The following FAM107B variants were observed in gnomAD, a reference collection of about 807,000 sequenced individuals.
FAM107B encodes the protein protein FAM107B.
FAM107B carries 21 observed loss-of-function variants against 31.5 expected under a neutral mutation model. The ratio of observed to expected loss-of-function variants is 0.67; its 90% CI spans 0.47 to 0.96. The LOEUF (loss-of-function observed/expected upper bound fraction) is 0.96. FAM107B is among the 40% of genes least tolerant of loss of function. The pLI is 0.00. For missense variants in FAM107B, 452 were observed against 377.1 expected (o/e 1.20, Z -1.64); for synonymous variants, 157 against 141.5 (o/e 1.11, Z -0.78).
chr10:14,683,693 T>C (rs993074950), intron 1 of FAM107B, among the ~76,000 whole-genome samples: 1 of 152,220 alleles, frequency 6.6e-6, no homozygotes, highest in Non-Finnish European at 1.5e-5. Flanking sequence ...TGAGTACCAA[T>C]AGAATCATGA....
In FAM107B at chr10:14,521,261, G is replaced by A; in HGVS notation, c.850C>T (p.Pro284Ser). The change falls in exon 5 of 5, where the codon CCC becomes TCC. Residue 284 changes from proline (P) to serine (S), a missense_variant. Pro to Ser is a moderately conservative substitution (Grantham distance 74). Transcript: ENST00000181796. ...QKLQEEQENAPEFVKVKGNLR... is the reference protein window; with the variant it reads ...QKLQEEQENASEFVKVKGNLR... ...TTGCCTTTCACCTTCACAAACTCGGGGGCATTTTCTTGCTCTTCTTGCAAT... is the reference window on the plus strand; with the variant it reads ...TTGCCTTTCACCTTCACAAACTCGGAGGCATTTTCTTGCTCTTCTTGCAAT... The A allele has an allele frequency of 1.2e-6, 2 of 1,614,074 alleles. No individual in the cohort carries two copies. Among genetic ancestry groups the A allele is most frequent in the Non-Finnish European group, 1.7e-6 (2 of 1,180,008 alleles).
intron 2 of FAM107B, among the ~76,000 whole-genome samples, chr10:14,607,139 T>G (rs1852614592): frequency 6.6e-6 from 1 of 152,130 alleles, no homozygotes; most frequent in African/African-American, 2.4e-5. Context: ...GTGAGAGAAA[T>G]AGAAACAAAG....
intron 1 of FAM107B, among the ~76,000 whole-genome samples, chr10:14,697,759 T>C (rs1414225675): frequency 6.6e-6 from 1 of 152,196 alleles, no homozygotes. Flanking sequence ...TTCTACAATG[T>C]TGTACCTTTA....
intron 2 of FAM107B, among the ~76,000 whole-genome samples, chr10:14,626,497 A>AAC (rs1564605442): frequency 1.0e-5 from 1 of 100,470 alleles, no homozygotes; most frequent in African/African-American, 3.6e-5. Context: ...TTTGAGGCGG[A>AAC]TCTTTTTTTT....
intron 1 of FAM107B, among the ~76,000 whole-genome samples, chr10:14,698,450 T>C (rs1246142287): frequency 6.6e-6 from 1 of 152,252 alleles, no homozygotes; most frequent in Non-Finnish European, 1.5e-5. Context: ...TTTGCAAACT[T>C]TTAAACTTAA....
intron 2 of FAM107B, among the ~76,000 whole-genome samples, chr10:14,659,403 T>C (rs933047675): frequency 9.2e-5 from 14 of 151,938 alleles, no homozygotes; most frequent in Non-Finnish European, 1.9e-4. Context: ...ATTGCCCCAC[T>C]TCACTCCAGC....
chr10:14,542,777 T>G (rs530799843), intron 2 of FAM107B: 1 of 152,230 alleles, frequency 6.6e-6, no homozygotes, highest in African/African-American at 2.4e-5. Flanking sequence ...GCTTTTAAGA[T>G]GGCTCAAAAA....
At chr10:14,573,991 G>A (rs1174814124) in intron 2 of FAM107B, among the ~76,000 whole-genome samples, 2 of 151,260 alleles carry the variant, frequency 1.3e-5, no homozygotes, top group African/African-American at 2.4e-5. Context: ...CCATGACACA[G>A]GGAATATTTT....
intron 2 of FAM107B, among the ~76,000 whole-genome samples, chr10:14,599,362 C>A (rs1852290742): frequency 6.6e-6 from 1 of 152,186 alleles, no homozygotes; most frequent in African/African-American, 2.4e-5. Flanking sequence ...TGTTCTTACA[C>A]CCCAGTCTCT....
rs564125709 is a variant in FAM107B, at chr10:14,761,792, T to G, written c.411+12461A>C. Among the ~76,000 whole-genome samples, 27 of 151,644 alleles carry G rather than the reference T, an allele frequency of 1.8e-4. No individual in the cohort carries two copies. The East Asian group carries it at 2.7e-3, about 15-fold the overall frequency. ...TTTGTATTTTTAGTAGAGGGGGGGG[T>G]TTCACCATGTTGGCCAGGCTGGTCT... On this transcript the variant is annotated intron_variant, in intron 1 of 4. Coordinates refer to ENST00000181796, the MANE Select transcript of FAM107B (RefSeq NM_031453.4).
At chr10:14,522,387 G>A (rs951053039) in intron 3 of FAM107B, among the ~76,000 whole-genome samples, 3 of 152,034 alleles carry the variant, frequency 2.0e-5, no homozygotes, top group African/African-American at 7.2e-5. Context: ...CTGCATGGAG[G>A]GGAGGCTTCC....
intron 2 of FAM107B, chr10:14,602,563 GC>G (rs1852434474): frequency 6.6e-6 from 1 of 152,194 alleles, no homozygotes; most frequent in African/African-American, 2.4e-5. Context: ...TCTTTAAGAA[GC>G]CAGCATGCAC....
intron 1 of FAM107B, among the ~76,000 whole-genome samples, chr10:14,755,922 A>T (rs1473516592): frequency 6.6e-6 from 1 of 152,180 alleles, no homozygotes; most frequent in African/African-American, 2.4e-5. Context: ...TTGGTGGGGG[A>T]CTAAAGCTCA....
At chr10:14,772,362 A>AAATATATATATATAT (rs10651238) in intron 1 of FAM107B, among the ~76,000 whole-genome samples, 2 of 145,590 alleles carry the variant, frequency 1.4e-5, no homozygotes, top group African/African-American at 2.6e-5. Flanking sequence ...TTAAAAAAAA[A>AAATATATATATATAT]ATATATATAT....
intron 2 of FAM107B, among the ~76,000 whole-genome samples, chr10:14,554,825 G>A (rs1849561213): frequency 6.6e-6 from 1 of 152,202 alleles, no homozygotes; most frequent in African/African-American, 2.4e-5. Context: ...GCAGCGATGG[G>A]TGGTCAATGA....
chr10:14,527,371 G>A (rs186077259), intron 3 of FAM107B, among the ~76,000 whole-genome samples: 2 of 152,320 alleles, frequency 1.3e-5, no homozygotes, highest in African/African-American at 4.8e-5. Context: ...AAGAGCATAG[G>A]TTTCGCAGTT....
intron 2 of FAM107B, among the ~76,000 whole-genome samples, chr10:14,544,377 C>A (rs1848513548): frequency 6.6e-6 from 1 of 152,178 alleles, no homozygotes. Flanking sequence ...TGAAATCAAG[C>A]CACAGTTCAG....
chr10:14,741,105 G>A (rs1244550604), intron 1 of FAM107B, among the ~76,000 whole-genome samples: 1 of 152,164 alleles, frequency 6.6e-6, no homozygotes, highest in Non-Finnish European at 1.5e-5. Context: ...ATGGCTTTGG[G>A]AGTCAGAGGA....
intron 1 of FAM107B, among the ~76,000 whole-genome samples, chr10:14,767,097 G>GAGAC (rs1366088391): frequency 1.8e-5 from 2 of 113,816 alleles, no homozygotes; most frequent in South Asian, 2.8e-4. Flanking sequence ...GAGAGAGAGA[G>GAGAC]AGACAGAGAG....
Sources: allele counts gnomAD v4.1 joint callset (sites outside exome capture counted in the v4.1 genomes callset), GRCh38; gene constraint gnomAD v4.1.1; transcripts MANE v1.5; gene names NCBI Gene and HGNC (gene_info 2026-07-23, HGNC 2026-07-21).